The following KHDRBS1 variants were observed in gnomAD, a reference collection of about 807,000 sequenced individuals.
KHDRBS1 encodes the protein KH domain-containing, RNA-binding, signal transduction-associated protein 1.
Under a neutral mutation model 48.4 loss-of-function variants are expected in KHDRBS1, and 7 were observed. That is an observed-to-expected ratio of 0.14 (90% CI 0.08 to 0.27). The LOEUF is 0.27. Among genes scored for constraint, KHDRBS1 ranks in the 10% least tolerant of loss-of-function variants. The probability of loss-of-function intolerance (pLI) is 1.00; values close to 1 mark genes in which losing one functional copy is unlikely to be tolerated. For missense variants in KHDRBS1, 458 were observed against 601.2 expected (o/e 0.76, Z 2.49); for synonymous variants, 241 against 235.8 (o/e 1.02, Z -0.20).
intron 1 of KHDRBS1, among the ~76,000 whole-genome samples, chr1:32,015,909 G>A (rs1375362660): frequency 2.0e-5 from 3 of 152,160 alleles, no homozygotes; most frequent in Non-Finnish European, 2.9e-5. Context: ...GGGCAGGCGC[G>A]GTGGCTCACG....
chr1:32,038,642 T>G (rs1264750200), intron 7 of KHDRBS1, 23 bp downstream of exon 7: 1 of 1,611,218 alleles, frequency 6.2e-7, no homozygotes, highest in African/African-American at 1.3e-5. Flanking sequence ...GTATAAGCAC[T>G]GTTTTTTGTC....
Position 32,042,751 on chromosome 1 carries a change from CCTT to C in KHDRBS1, c.*133_*135del, listed in dbSNP as rs1639303973. On this transcript the variant is annotated 3_prime_UTR_variant, in exon 9 of 9. Transcript: ENST00000327300. ...GTCTAAGTGTTTTTCTTCGTGGTCC[CCTT>C]CTTCTCCCCACCTTATTCCATTCTT... 1.6e-6 allele frequency: 1 copy of C among 620,996 alleles called. No homozygotes were observed. The highest frequency in any genetic ancestry group is 2.9e-6 in the Non-Finnish European group (1 of 341,308). The allele number at this position is 620,996 out of a possible 1,614,324, so 38.5% of individuals were successfully genotyped here. A position where few individuals can be genotyped will look rare whatever the true frequency, so the allele number is the denominator to read the frequency against.
At chr1:32,048,349 GTTAGCTGGGCA>G (rs1217739805), downstream of KHDRBS1, among the ~76,000 whole-genome samples, 1 of 152,080 alleles carries the variant, frequency 6.6e-6, no homozygotes, top group African/African-American at 2.4e-5. Context: ...TCTACAAAAA[GTTAGCTGGGCA>G]TTAGCTGGGC....
chr1:32,042,365 C>T (rs1639295964), intron 8 of KHDRBS1, among the ~76,000 whole-genome samples, 162 bp from the exon 9 acceptor site: 1 of 152,140 alleles, frequency 6.6e-6, no homozygotes, highest in African/African-American at 2.4e-5. Flanking sequence ...CCAGGCTGCC[C>T]AAGAGGGCCA....
intron 1 of KHDRBS1, among the ~76,000 whole-genome samples, chr1:32,024,059 C>G (rs1443349252): frequency 3.3e-5 from 5 of 152,142 alleles, no homozygotes; most frequent in African/African-American, 1.2e-4. Flanking sequence ...GAAGACCAGC[C>G]TGGCCAACAT....
intron 1 of KHDRBS1, among the ~76,000 whole-genome samples, chr1:32,027,939 C>T (rs1484381944): frequency 6.6e-6 from 1 of 152,068 alleles, no homozygotes; most frequent in Admixed American, 6.6e-5. Context: ...ATGGTGAAAC[C>T]CCATCTCTAC....
chr1:32,051,331 C>T (rs544349114), intron 10 of KHDRBS1, among the ~76,000 whole-genome samples: 98 of 152,274 alleles, frequency 6.4e-4, no homozygotes, highest in Middle Eastern at 6.8e-3. Context: ...AGGTGTACTG[C>T]CTTTTGAAGT....
At chr1:32,015,822 C>T (rs1391280169) in intron 1 of KHDRBS1, among the ~76,000 whole-genome samples, 1 of 152,162 alleles carries the variant, frequency 6.6e-6, no homozygotes, top group African/African-American at 2.4e-5. Flanking sequence ...GCAGTGAAGT[C>T]ACAACCCATT....
chr1:32,028,490 A>G (rs994972691), intron 1 of KHDRBS1, among the ~76,000 whole-genome samples: 2 of 147,448 alleles, frequency 1.4e-5, no homozygotes, highest in African/African-American at 5.0e-5. Flanking sequence ...ATATATATAT[A>G]CTATATATAC....
chr1:32,033,906 C>T (rs564368212), intron 4 of KHDRBS1, among the ~76,000 whole-genome samples: 1 of 152,276 alleles, frequency 6.6e-6, no homozygotes, highest in African/African-American at 2.4e-5. Context: ...TTTTTTCAGA[C>T]TATTACTGAG....
At chr1:32,029,474 A>G (rs895435328) in intron 1 of KHDRBS1, among the ~76,000 whole-genome samples, 5 of 152,178 alleles carry the variant, frequency 3.3e-5, no homozygotes, top group Non-Finnish European at 7.4e-5. Context: ...CCTGACCAAC[A>G]TGGAGAAAAC....
chr1:32,037,998 T>C lies in KHDRBS1; in HGVS notation c.1069T>C (p.Leu357=). ...GACAGCGGGCATCCAGAGGATACCT[T>C]TGCCTCCACCTCCTGCACCAGAAAC... ...ARTAGIQRIP[L]PPPPAPETYE... The change falls in exon 6 of 9, where the codon TTG becomes CTG. Residue 357 remains leucine, a synonymous_variant. Coordinates refer to ENST00000327300, the MANE Select transcript of KHDRBS1 (RefSeq NM_006559.3). 17 of 1,614,212 alleles carry C rather than the reference T, an allele frequency of 1.1e-5. No homozygotes were observed. Among genetic ancestry groups the C allele is most frequent in the Non-Finnish European group, 1.4e-5 (17 of 1,180,036 alleles).
At chr1:32,059,194 T>A (rs1356444543) in intron 10 of KHDRBS1, among the ~76,000 whole-genome samples, 4 of 150,856 alleles carry the variant, frequency 2.7e-5, no homozygotes, top group African/African-American at 9.8e-5. Flanking sequence ...ACAAAACCTT[T>A]TAGGCGATAG....
In KHDRBS1 at chr1:32,038,230, G is replaced by A. The variant is rs1639221619; in HGVS notation, c.1107+194G>A. Reference sequence around the variant, plus strand: ...TTAGGCAGGGTTTTACTATACGCCTGTAGATTAAACAAGAAATAAAATGTA... The same window carrying A: ...TTAGGCAGGGTTTTACTATACGCCTATAGATTAAACAAGAAATAAAATGTA... On this transcript the variant is annotated intron_variant, in intron 6 of 8. Coordinates refer to ENST00000327300, the MANE Select transcript of KHDRBS1 (RefSeq NM_006559.3). 4 of 795,142 alleles carry A rather than the reference G, an allele frequency of 5.0e-6. No homozygotes were observed. In the East Asian group the frequency reaches 8.1e-5, roughly 16 times the overall value. 49.3% of individuals were successfully genotyped at this position (795,142 alleles called of 1,614,324 possible). A position where few individuals can be genotyped will look rare whatever the true frequency, so the allele number is the denominator to read the frequency against.
At chr1:32,031,689 G>A (rs376888111) in intron 3 of KHDRBS1, 49 bp downstream of exon 3, 94 of 1,188,050 alleles carry the variant, frequency 7.9e-5, no homozygotes, top group Non-Finnish European at 1.1e-4. Flanking sequence ...CCTTCTACTT[G>A]CCCAGAATGC....
chr1:32,046,464 C>T (rs1434327001), downstream of KHDRBS1, among the ~76,000 whole-genome samples: 1 of 152,206 alleles, frequency 6.6e-6, no homozygotes, highest in Non-Finnish European at 1.5e-5. Flanking sequence ...ATCCACCCAC[C>T]TTGGCCTCCC....
intron 4 of KHDRBS1, 147 bp from the exon 5 acceptor site, chr1:32,036,763 G>GC: frequency 1.4e-6 from 1 of 705,248 alleles, no homozygotes; most frequent in Admixed American, 2.7e-5. Flanking sequence ...CAGATAGGGT[G>GC]CCATTTGACT....
At chr1:32,015,511 A>G (rs1427278488) in intron 1 of KHDRBS1, among the ~76,000 whole-genome samples, 8 of 152,212 alleles carry the variant, frequency 5.3e-5, no homozygotes, top group Non-Finnish European at 8.8e-5. Context: ...CTGTAAGGTA[A>G]GGGATCTTTA....
Position 32,013,923 on chromosome 1 carries a change from C to A in KHDRBS1, c.-73C>A. On this transcript the variant is annotated 5_prime_UTR_variant, in exon 1 of 9. Transcript: ENST00000327300. ...TCGCTACCGCTCCCGCTCTGCCACC[C>A]CCGCCAACCGCCGCTCGGGCCTCCG... is the stretch of plus-strand genomic sequence containing the variant. 1 of 1,329,378 alleles carries A rather than the reference C, an allele frequency of 7.5e-7. No homozygotes were observed. The highest frequency in any genetic ancestry group is 9.6e-7 in the Non-Finnish European group (1 of 1,037,426). The allele number at this position is 1,329,378 out of a possible 1,614,324, so 82.3% of individuals were successfully genotyped here.
Sources: allele counts gnomAD v4.1 joint callset (sites outside exome capture counted in the v4.1 genomes callset), GRCh38; gene constraint gnomAD v4.1.1; transcripts MANE v1.5; gene names NCBI Gene and HGNC (gene_info 2026-07-23, HGNC 2026-07-21).